VWDE: variants seen among roughly 807,000 people sequenced by gnomAD.
VWDE encodes the protein von Willebrand factor D and EGF domains, also known as von Willebrand factor D and EGF domain-containing protein.
In VWDE, 207 loss-of-function variants were observed where a neutral mutation model predicts 178.4. That is an observed-to-expected ratio of 1.16 (90% CI 1.04 to 1.30). VWDE has a LOEUF of 1.30. Ranked by LOEUF, VWDE falls within the 50% of genes most tolerant of loss-of-function variation. VWDE has a pLI of 0.00. For missense variants in VWDE, 2,287 were observed against 1,901.3 expected, an observed-to-expected ratio of 1.20 and a Z score of -3.77; for synonymous variants, 738 against 651.4, an observed-to-expected ratio of 1.13 and a Z score of -2.02.
intron 1 of VWDE, among the ~76,000 whole-genome samples, 185 bp downstream of exon 1, chr7:12,403,474 G>C (rs1013085074): frequency 6.6e-6 from 1 of 152,254 alleles, no homozygotes; most frequent in Admixed American, 6.5e-5. Flanking sequence ...GAGTTTTCAA[G>C]CTGGAAATTG....
intron 19 of VWDE, among the ~76,000 whole-genome samples, chr7:12,345,095 A>G (rs1005181489): frequency 2.6e-5 from 4 of 152,172 alleles, no homozygotes; most frequent in South Asian, 4.1e-4. Context: ...AGTTGATACA[A>G]AATGTTTCCA....
Position 12,389,186 on chromosome 7 carries a change from C to T in VWDE, c.416G>A (p.Gly139Glu). ...TTGTAGTAAGTATACAGAAAAGTTC[C>T]CACAGTTTCTTACAGACACTGGGAT... is the stretch of plus-strand genomic sequence containing the variant. Reference protein sequence around the residue: ...FQIPVSVRNCGNFSVYLLQPT... With the variant: ...FQIPVSVRNCENFSVYLLQPT... Residue 139 changes from glycine to glutamate, a missense_variant, in exon 3 of 29, where the codon GGG becomes GAG. Coordinates refer to ENST00000275358, the MANE Select transcript of VWDE (RefSeq NM_001135924.3). The T allele has an allele frequency of 6.4e-7, 1 of 1,551,906 alleles. No individual in the cohort carries two copies. The highest frequency in any genetic ancestry group is 8.7e-7 in the Non-Finnish European group (1 of 1,147,036).
At chr7:12,371,239 A>G (rs566167230) in intron 10 of VWDE, among the ~76,000 whole-genome samples, 8 of 152,328 alleles carry the variant, frequency 5.3e-5, no homozygotes, top group East Asian at 3.9e-4. Context: ...TTGCCAAATA[A>G]TTAATTTACA....
At chr7:12,367,044 CAAT>C (rs969479283) in intron 13 of VWDE, among the ~76,000 whole-genome samples, 1 of 151,962 alleles carries the variant, frequency 6.6e-6, no homozygotes, top group African/African-American at 2.4e-5. Context: ...TGGCTAAAAA[CAAT>C]GTCTCTTCTT....
At chr7:12,335,001 C>A (rs779932662) in intron 27 of VWDE, among the ~76,000 whole-genome samples, 1 of 152,128 alleles carries the variant, frequency 6.6e-6, no homozygotes, top group Non-Finnish European at 1.5e-5. Context: ...GTATACATTA[C>A]AATAGCAATT....
chr7:12,362,014 C>A (rs1782607479), intron 13 of VWDE, among the ~76,000 whole-genome samples: 1 of 151,986 alleles, frequency 6.6e-6, no homozygotes, highest in South Asian at 2.1e-4. Flanking sequence ...CAGGGGCGGA[C>A]CTAAGCTAGG....
Position 12,344,423 on chromosome 7 carries a change from T to A in VWDE, c.3933A>T (p.Pro1311=). The change falls in exon 20 of 29, where the codon CCA becomes CCT. Residue 1311 remains proline (P), a synonymous_variant. Transcript: ENST00000275358. ...PCGKSRECVA[P]NICKCKPGYI... is the part of the protein sequence containing the mutation. ...AACCAGGTTTACATTTGCAGATGTT[T>A]GGGGCAACACACTCCCTACTTTTTC... The A allele has an allele frequency of 1.3e-6, 2 of 1,551,002 alleles. No homozygotes were observed. The highest frequency in any genetic ancestry group is 1.7e-6 in the Non-Finnish European group (2 of 1,146,600).
Position 12,370,659 on chromosome 7 carries a change from C to G in VWDE, c.1793G>C (p.Trp598Ser). Residue 598 changes from tryptophan to serine, a missense_variant, in exon 11 of 29, where the codon TGG becomes TCG. Transcript: ENST00000275358. Reference protein sequence around the residue: ...FNNYVAFINEWRILPGKSMSD... With the variant: ...FNNYVAFINESRILPGKSMSD... Reference sequence around the variant, plus strand: ...AAGTGGAAAAATAGTGTCTTACCTCCATTCATTAATAAAAGCAACATAATT... The same window carrying G: ...AAGTGGAAAAATAGTGTCTTACCTCGATTCATTAATAAAAGCAACATAATT... 6.4e-7 allele frequency: 1 copy of G among 1,550,412 alleles called. No individual in the cohort carries two copies. Among genetic ancestry groups the G allele is most frequent in the Non-Finnish European group, 8.7e-7 (1 of 1,146,364 alleles).
intron 22 of VWDE, among the ~76,000 whole-genome samples, chr7:12,342,482 CA>C (rs1781385446): frequency 1.3e-5 from 2 of 152,100 alleles, no homozygotes; most frequent in South Asian, 4.1e-4. Context: ...TGCAATTTAA[CA>C]GATTTGAATT....
At chr7:12,372,185 T>A (rs1015882226) in intron 10 of VWDE, among the ~76,000 whole-genome samples, 1 of 152,090 alleles carries the variant, frequency 6.6e-6, no homozygotes, top group Non-Finnish European at 1.5e-5. Context: ...TTTTTTTATA[T>A]TATTTGCTCA....
In VWDE at chr7:12,383,517, A is replaced by G; in HGVS notation, c.541+19T>C. On this transcript the variant is annotated intron_variant, in intron 4 of 28. Coordinates refer to ENST00000275358, the MANE Select transcript of VWDE (RefSeq NM_001135924.3). ...TAGTTTATAAAAACACTATTAAAAA[A>G]GCAAAATATGATACTTACGAACACA... is the stretch of plus-strand genomic sequence containing the variant. 1 of 1,548,008 alleles carries G rather than the reference A, an allele frequency of 6.5e-7. No individual in the cohort carries two copies.
intron 13 of VWDE, among the ~76,000 whole-genome samples, chr7:12,363,430 A>C (rs1468334202): frequency 7.2e-5 from 11 of 152,076 alleles, no homozygotes; most frequent in Admixed American, 7.2e-4. Context: ...TAATCCTATA[A>C]ATCAGCAACC....
intron 16 of VWDE, among the ~76,000 whole-genome samples, chr7:12,358,998 G>A (rs1178897858): frequency 2.0e-5 from 3 of 152,084 alleles, no homozygotes; most frequent in Non-Finnish European, 2.9e-5. Context: ...AAATTACATG[G>A]GGCCAGGGAA....
intron 2 of VWDE, among the ~76,000 whole-genome samples, chr7:12,390,929 A>T (rs971056249): frequency 6.6e-6 from 1 of 152,196 alleles, no homozygotes; most frequent in Admixed American, 6.5e-5. Context: ...CAATAATTAC[A>T]TGTACATTCG....
chr7:12,370,866 T>A lies in VWDE; in HGVS notation c.1588-2A>T, dbSNP rs1379219787. 7 of 1,506,564 alleles carry A rather than the reference T, an allele frequency of 4.6e-6. No individual in the cohort carries two copies. The highest frequency in any genetic ancestry group is 6.2e-6 in the Non-Finnish European group (7 of 1,128,808). 93.3% of individuals were successfully genotyped at this position (1,506,564 alleles called of 1,614,324 possible). A position where few individuals can be genotyped will look rare whatever the true frequency, so the allele number is the denominator to read the frequency against. Reference sequence around the variant, plus strand: ...AAATGCCCCAGAAGAAAACCAGATCTGAAAAACAGAAATAAATACAGAAAT... The same window carrying A: ...AAATGCCCCAGAAGAAAACCAGATCAGAAAAACAGAAATAAATACAGAAAT... On this transcript the variant is annotated splice_acceptor_variant, in intron 10 of 28. Coordinates refer to ENST00000275358, the MANE Select transcript of VWDE (RefSeq NM_001135924.3). LOFTEE classifies it high-confidence loss of function.
At chr7:12,381,093 T>C (rs564270831) in intron 4 of VWDE, among the ~76,000 whole-genome samples, 112 of 152,356 alleles carry the variant, frequency 7.4e-4, no homozygotes, top group African/African-American at 2.5e-3. Flanking sequence ...CTTGTTATAA[T>C]GAGAAATAGC....
chr7:12,362,952 A>C (rs560448736), intron 13 of VWDE, among the ~76,000 whole-genome samples: 9 of 152,058 alleles, frequency 5.9e-5, no homozygotes, highest in Non-Finnish European at 1.0e-4. Flanking sequence ...GGCAATATAG[A>C]GATTATTCCC....
intron 1 of VWDE, among the ~76,000 whole-genome samples, chr7:12,402,685 AAAG>A (rs1355966839): frequency 8.5e-5 from 13 of 152,328 alleles, no homozygotes; most frequent in African/African-American, 2.6e-4. Flanking sequence ...TAAGCAAACC[AAAG>A]AAGGACCAGA....
chr7:12,339,347 C>T (rs1257349018), intron 24 of VWDE, among the ~76,000 whole-genome samples: 1 of 152,142 alleles, frequency 6.6e-6, no homozygotes, highest in Non-Finnish European at 1.5e-5. Flanking sequence ...TCCTTCCTTA[C>T]ATTCTCCATT....
Sources: gnomAD v4.1 joint callset for allele counts (sites outside exome capture counted in the v4.1 genomes callset) on GRCh38, gnomAD v4.1.1 for gene constraint, MANE v1.5 for transcripts, NCBI Gene and HGNC (gene_info 2026-07-23, HGNC 2026-07-21) for gene names.